Variants in ITGBL1 observed in about 807,000 individuals in gnomAD.
The protein encoded by ITGBL1 is integrin beta-like protein 1.
Under a neutral mutation model 68.5 loss-of-function variants are expected in ITGBL1, and 51 were observed. The observed-to-expected ratio is 0.74, with a 90% CI of 0.59 to 0.94. The LOEUF is 0.94. ITGBL1 is among the 40% of genes least tolerant of loss of function. ITGBL1 has a pLI of 0.00. For synonymous variants in ITGBL1, 209 were observed against 227.3 expected, an observed-to-expected ratio of 0.92 and a Z score of 0.72; for missense variants, 649 against 647.4, an observed-to-expected ratio of 1.00 and a Z score of -0.03.
At chr13:101,492,936 G>C (rs1170577491) in intron 2 of ITGBL1, among the ~76,000 whole-genome samples, 6 of 152,104 alleles carry the variant, frequency 3.9e-5, no homozygotes, top group South Asian at 2.1e-4. Flanking sequence ...GAAGCTTCAG[G>C]CTGCCTAAGG....
intron 7 of ITGBL1, among the ~76,000 whole-genome samples, chr13:101,638,363 G>A (rs145347374): frequency 2.3e-4 from 35 of 152,086 alleles, no homozygotes; most frequent in African/African-American, 8.4e-4. Flanking sequence ...AGTTTGATTT[G>A]AGTATTAAAT....
At chr13:101,663,578 A>G (rs2139483778) in intron 7 of ITGBL1, among the ~76,000 whole-genome samples, 1 of 152,290 alleles carries the variant, frequency 6.6e-6, no homozygotes, top group South Asian at 2.1e-4. Flanking sequence ...TATCCTTACA[A>G]TAAACATGAA....
At chr13:101,545,044 G>A (rs187008914) in intron 2 of ITGBL1, among the ~76,000 whole-genome samples, 340 of 152,258 alleles carry the variant, frequency 2.2e-3, no homozygotes, top group Admixed American at 5.4e-3. Context: ...CACTCGGTGC[G>A]CTGCACCCAC....
chr13:101,535,002 T>C (rs1175427553), intron 2 of ITGBL1, among the ~76,000 whole-genome samples: 1 of 152,074 alleles, frequency 6.6e-6, no homozygotes. Context: ...TGGCCTTCAT[T>C]CTGTAGCTTT....
At chr13:101,630,788 T>G (rs564880798) in intron 7 of ITGBL1, among the ~76,000 whole-genome samples, 1 of 152,338 alleles carries the variant, frequency 6.6e-6, no homozygotes, top group African/African-American at 2.4e-5. Flanking sequence ...TTATTTTCTT[T>G]GTTGTTATCT....
chr13:101,524,710 G>A (rs1472402633), intron 2 of ITGBL1, among the ~76,000 whole-genome samples: 2 of 149,722 alleles, frequency 1.3e-5, no homozygotes, highest in Non-Finnish European at 1.5e-5. Flanking sequence ...ATGACACTAG[G>A]GCTTTATATC....
intron 7 of ITGBL1, among the ~76,000 whole-genome samples, chr13:101,600,000 G>A (rs2030254831): frequency 6.6e-6 from 1 of 152,156 alleles, no homozygotes; most frequent in Non-Finnish European, 1.5e-5. Context: ...TGATGGCGAT[G>A]GCATTGAATC....
chr13:101,459,387 T>A (rs1465983025), intron 2 of ITGBL1, among the ~76,000 whole-genome samples: 1 of 152,270 alleles, frequency 6.6e-6, no homozygotes, highest in East Asian at 1.9e-4. Context: ...ATTTTATGTA[T>A]GTATGTATAA....
intron 2 of ITGBL1, among the ~76,000 whole-genome samples, chr13:101,506,022 A>T (rs1175530444): frequency 6.6e-6 from 1 of 152,160 alleles, no homozygotes; most frequent in Non-Finnish European, 1.5e-5. Context: ...TGAGAAAGAG[A>T]TCTATTAGCA....
intron 2 of ITGBL1, among the ~76,000 whole-genome samples, chr13:101,529,762 G>A (rs1311068297): frequency 6.6e-6 from 1 of 152,072 alleles, no homozygotes; most frequent in Admixed American, 6.6e-5. Flanking sequence ...TTCTCCTGCC[G>A]CCATAAAAGA....
intron 2 of ITGBL1, among the ~76,000 whole-genome samples, chr13:101,545,303 T>C (rs2049799914): frequency 6.6e-6 from 1 of 152,102 alleles, no homozygotes; most frequent in Non-Finnish European, 1.5e-5. Context: ...TTAGAATGAA[T>C]GTTGTCACAA....
At chr13:101,602,314 G>A (rs1300254405) in intron 7 of ITGBL1, among the ~76,000 whole-genome samples, 1 of 151,894 alleles carries the variant, frequency 6.6e-6, no homozygotes, top group Non-Finnish European at 1.5e-5. Context: ...GTGTGTTCTT[G>A]GTATCAGATC....
intron 3 of ITGBL1, among the ~76,000 whole-genome samples, chr13:101,574,949 T>A (rs2050332454): frequency 6.6e-6 from 1 of 152,178 alleles, no homozygotes; most frequent in Non-Finnish European, 1.5e-5. Context: ...TTTTTATTTA[T>A]GCATTTGATA....
chr13:101,630,636 C>T (rs1335791465), intron 7 of ITGBL1, among the ~76,000 whole-genome samples: 1 of 152,198 alleles, frequency 6.6e-6, no homozygotes, highest in Non-Finnish European at 1.5e-5. Flanking sequence ...CTATCATCAT[C>T]TTCCAGTGAT....
chr13:101,542,174 C>T (rs1424676411), intron 2 of ITGBL1, among the ~76,000 whole-genome samples: 2 of 152,302 alleles, frequency 1.3e-5, no homozygotes, highest in South Asian at 2.1e-4. Context: ...ATCTTTCCTG[C>T]TTTCTCTTGT....
At chr13:101,600,535 T>A (rs2030300907) in intron 7 of ITGBL1, among the ~76,000 whole-genome samples, 1 of 152,144 alleles carries the variant, frequency 6.6e-6, no homozygotes, top group African/African-American at 2.4e-5. Context: ...AGGGAATGCT[T>A]CCAGTTTTTG....
intron 7 of ITGBL1, among the ~76,000 whole-genome samples, chr13:101,611,768 G>A (rs1467075379): frequency 6.6e-6 from 1 of 152,090 alleles, no homozygotes; most frequent in Non-Finnish European, 1.5e-5. Context: ...TTTGCAATAA[G>A]TGAATTTGAC....
chr13:101,596,544 C>T (rs890149493), intron 6 of ITGBL1, among the ~76,000 whole-genome samples: 1 of 152,114 alleles, frequency 6.6e-6, no homozygotes, highest in African/African-American at 2.4e-5. Flanking sequence ...ATGTTACATA[C>T]TTTAAGAATC....
intron 2 of ITGBL1, among the ~76,000 whole-genome samples, chr13:101,553,439 A>G (rs745449371): frequency 1.8e-4 from 28 of 152,180 alleles, no homozygotes; most frequent in Non-Finnish European, 3.2e-4. Flanking sequence ...TGAAACTGCA[A>G]ACTCAGAAAC....
Sources: allele counts gnomAD v4.1 joint callset (sites outside exome capture counted in the v4.1 genomes callset), GRCh38; gene constraint gnomAD v4.1.1; transcripts MANE v1.5; gene names NCBI Gene and HGNC (gene_info 2026-07-23, HGNC 2026-07-21).